KIRREL2: variants seen among roughly 807,000 people sequenced by gnomAD.
KIRREL2 encodes kin of IRRE-like protein 2.
In KIRREL2, 56 loss-of-function variants were observed where a neutral mutation model predicts 73.4. The observed-to-expected ratio is 0.76, with a 90% CI of 0.62 to 0.95. The LOEUF (loss-of-function observed/expected upper bound fraction) is 0.95. KIRREL2 is among the 40% of genes least tolerant of loss of function. The pLI, the probability that KIRREL2 is intolerant of heterozygous loss-of-function variation, is 0.00. For missense variants in KIRREL2, 896 were observed against 935.0 expected (o/e 0.96, Z 0.54); for synonymous variants, 407 against 404.0 (o/e 1.01, Z -0.09).
upstream of KIRREL2, among the ~76,000 whole-genome samples, chr19:35,855,406 G>T (rs553175238): frequency 6.6e-6 from 1 of 152,018 alleles, no homozygotes; most frequent in African/African-American, 2.4e-5. Flanking sequence ...AGCCAGGAAG[G>T]GGAAGCGGCG....
In KIRREL2 at chr19:35,863,033, C is replaced by A. The variant is rs1414233423; in HGVS notation, c.1722C>A (p.Asp574Glu). Residue 574 changes from aspartate to glutamate, a missense_variant, in exon 13 of 15, where the codon GAC (aspartate) becomes GAA (glutamate). Coordinates refer to ENST00000360202, the MANE Select transcript of KIRREL2 (RefSeq NM_199180.4). ...PEEEETGSRE[D>E]RGPIVHTDHS... ...AAGAGGAGACAGGCAGCCGCGAGGA[C>A]CGGGTAGGATGCCAGGGTCCCCAGA... 6.4e-7 allele frequency: 1 copy of A among 1,562,310 alleles called. No homozygotes were observed. The highest frequency in any genetic ancestry group is 8.7e-7 in the Non-Finnish European group (1 of 1,147,602).
At chr19:35,852,466 A>T (rs999336839), upstream of KIRREL2, among the ~76,000 whole-genome samples, 2 of 152,168 alleles carry the variant, frequency 1.3e-5, no homozygotes, top group Non-Finnish European at 2.9e-5. Context: ...GCACTGGCAG[A>T]GTCAGCCCTG....
Position 35,857,051 on chromosome 19 carries a change from C to T in KIRREL2, c.-69C>T. The T allele has an allele frequency of 6.6e-7, 1 of 1,509,246 alleles. No homozygotes were observed. Among genetic ancestry groups the T allele is most frequent in the Non-Finnish European group, 9.2e-7 (1 of 1,085,080 alleles). The allele number at this position is 1,509,246 out of a possible 1,614,324, so 93.5% of individuals were successfully genotyped here. A position where few individuals can be genotyped will look rare whatever the true frequency, so the allele number is the denominator to read the frequency against. On this transcript the variant is annotated 5_prime_UTR_variant, in exon 1 of 15. Coordinates refer to ENST00000360202, the MANE Select transcript of KIRREL2 (RefSeq NM_199180.4). ...GGCTCCGGGCCAGGGTGACAGGAGGCGTGCTTGAGAGGAAGAAGTTGACGG... is the reference window on the plus strand; with the variant it reads ...GGCTCCGGGCCAGGGTGACAGGAGGTGTGCTTGAGAGGAAGAAGTTGACGG...
rs1279746076 is a variant in KIRREL2 at position 35,860,987 on chromosome 19, G to T, written c.1007G>T (p.Arg336Leu). The T allele has an allele frequency of 1.2e-6, 2 of 1,613,008 alleles. No homozygotes were observed. The highest frequency in any genetic ancestry group is 1.7e-6 in the Non-Finnish European group (2 of 1,179,740). Residue 336 changes from arginine to leucine, a missense_variant, in exon 8 of 15, where the codon CGC becomes CTC. By Grantham distance (102) the Arg-to-Leu change is moderately radical (BLOSUM62 -2). Transcript: ENST00000360202. ...GACGCTTCCTTCAGCTGCGCCTGGC[G>T]CGGGAACCCGCTTCCACGGGTAACC... Reference protein sequence around the residue: ...GEDASFSCAWRGNPLPRVTWT... With the variant: ...GEDASFSCAWLGNPLPRVTWT...
chr19:35,858,703 G>A lies in KIRREL2; in HGVS notation c.362-1G>A. 1.2e-6 allele frequency: 2 copies of A among 1,613,836 alleles called. No individual in the cohort carries two copies. The highest frequency in any genetic ancestry group is 8.5e-7 in the Non-Finnish European group (1 of 1,179,926). ...TCTCTGACCCCAAATCCACCTTGCAGTCCCCCCAGAAGCCCCCCAGGTGCT... is the reference window on the plus strand; with the variant it reads ...TCTCTGACCCCAAATCCACCTTGCAATCCCCCCAGAAGCCCCCCAGGTGCT... On this transcript the variant is annotated splice_acceptor_variant, in intron 3 of 14. Coordinates refer to ENST00000360202, the MANE Select transcript of KIRREL2 (RefSeq NM_199180.4). LOFTEE classifies it high-confidence loss of function.
rs1599875083 is a variant in KIRREL2, at chr19:35,866,072, G to A, written c.1792-85G>A. The A allele has an allele frequency of 4.6e-6, 6 of 1,315,254 alleles. No homozygotes were observed. In the East Asian group the frequency reaches 7.0e-5, roughly 15 times the overall value. 81.5% of individuals were successfully genotyped at this position (1,315,254 alleles called of 1,614,324 possible). On this transcript the variant is annotated intron_variant, in intron 14 of 14. Transcript: ENST00000360202. ...CTCTTTTTGTCTCTCTCAAGGTCTG[G>A]TCTATTTCAGTGTGTCTCTCCATCA...
In KIRREL2 at chr19:35,866,716, C is replaced by T. The variant is rs939728414; in HGVS notation, c.*224C>T. On this transcript the variant is annotated 3_prime_UTR_variant, in exon 15 of 15. Coordinates refer to ENST00000360202, the MANE Select transcript of KIRREL2 (RefSeq NM_199180.4). Reference sequence around the variant, plus strand: ...CCACCCAATATGCCCACCTATTCCCCGGTGTAAAAGAGATTCAAGATGGCA... The same window carrying T: ...CCACCCAATATGCCCACCTATTCCCTGGTGTAAAAGAGATTCAAGATGGCA... The T allele has an allele frequency of 3.4e-5, 21 of 611,526 alleles. No homozygotes were observed. Among genetic ancestry groups the T allele is most frequent in the Middle Eastern group, 4.2e-4 (1 of 2,402 alleles). The allele number at this position is 611,526 out of a possible 1,614,324, so 37.9% of individuals were successfully genotyped here.
In KIRREL2 at chr19:35,859,117, A is replaced by G. The variant is rs1037728448; in HGVS notation, c.522+253A>G. Among the ~76,000 whole-genome samples, 8 of 152,216 alleles carry G rather than the reference A, an allele frequency of 5.3e-5. No homozygotes were observed. The South Asian group carries it at 6.2e-4, about 12-fold the overall frequency. On this transcript the variant is annotated intron_variant, in intron 4 of 14. Coordinates refer to ENST00000360202, the MANE Select transcript of KIRREL2 (RefSeq NM_199180.4). Reference sequence around the variant, plus strand: ...TCTGTGCCTCAGTTGCCTTATCTATACAATCAGGATAATAGTAGCATGCAT... The same window carrying G: ...TCTGTGCCTCAGTTGCCTTATCTATGCAATCAGGATAATAGTAGCATGCAT...
Position 35,857,400 on chromosome 19 carries a change from GGAA to G in KIRREL2, c.119_121del (p.Glu40del), listed in dbSNP as rs754581425. On this transcript the variant is annotated inframe_deletion, in exon 2 of 15. Transcript: ENST00000360202. ...AGGACCTGGTGGTGCTGCTGGGGGA[GGAA>G]GCCCGGCTGCCGTGTGCTCTGGGCG... The G allele has an allele frequency of 1.7e-5, 28 of 1,612,948 alleles. No homozygotes were observed. Among genetic ancestry groups the G allele is most frequent in the Non-Finnish European group, 2.4e-5 (28 of 1,180,034 alleles).
Position 35,862,940 on chromosome 19 carries a change from C to G in KIRREL2, c.1629C>G (p.Phe543Leu). The G allele has an allele frequency of 6.4e-7, 1 of 1,570,214 alleles. No homozygotes were observed. ...CWRHSKASAS[F>L]SEQKNLMRIP... ...GCTGTTTGTCAGCCTCAGCCTCTTT[C>G]TCCGAGCAAAAGAACCTGATGCGAA... The change falls in exon 13 of 15, where the codon TTC becomes TTG. Residue 543 changes from phenylalanine (F) to leucine (L), a missense_variant. Coordinates refer to ENST00000360202, the MANE Select transcript of KIRREL2 (RefSeq NM_199180.4).
At position 35,861,797 on chromosome 19, in the gene KIRREL2, G is replaced by A; in HGVS notation, c.1291-8G>A. 6.3e-7 allele frequency: 1 copy of A among 1,586,976 alleles called. No individual in the cohort carries two copies. Among genetic ancestry groups the A allele is most frequent in the Non-Finnish European group, 8.6e-7 (1 of 1,166,234 alleles). ...CTCCTCCGTGTCCTCCCTCTTTTGT[G>A]CCCCCAGGTCTGGTCTTGGGATGAG... On this transcript the variant is annotated splice_region_variant and splice_polypyrimidine_tract_variant and intron_variant, in intron 10 of 14. Transcript: ENST00000360202.
chr19:35,852,622 G>A (rs561477578), upstream of KIRREL2, among the ~76,000 whole-genome samples: 7 of 152,150 alleles, frequency 4.6e-5, no homozygotes, highest in South Asian at 4.2e-4. Flanking sequence ...TGCCAGGCGC[G>A]TTCCTCGGTG....
Position 35,864,707 on chromosome 19 carries a change from G to C in KIRREL2, c.1785G>C (p.Glu595Asp). ...DLVLEEEGTL[E>D]TKDPTNGYYK... Reference sequence around the variant, plus strand: ...TTCTGGAGGAGGAAGGGACTCTGGAGACCAAGGTGAGTGTTGAGAGGGGTG... The same window carrying C: ...TTCTGGAGGAGGAAGGGACTCTGGACACCAAGGTGAGTGTTGAGAGGGGTG... Residue 595 changes from glutamate (E) to aspartate (D), a missense_variant, in exon 14 of 15, where the codon GAG becomes GAC. Glu to Asp is a conservative substitution (Grantham distance 45). Coordinates refer to ENST00000360202, the MANE Select transcript of KIRREL2 (RefSeq NM_199180.4). 1.2e-6 allele frequency: 2 copies of C among 1,611,596 alleles called. No individual in the cohort carries two copies. The highest frequency in any genetic ancestry group is 1.7e-6 in the Non-Finnish European group (2 of 1,177,772).
chr19:35,858,887 A>G lies in KIRREL2; in HGVS notation c.522+23A>G, dbSNP rs1973548089. 1.9e-6 allele frequency: 3 copies of G among 1,613,156 alleles called. No individual in the cohort carries two copies. The East Asian group carries it at 6.7e-5, about 36-fold the overall frequency. The stretch of plus-strand genomic sequence containing the variant: ...CAGGTCAGGTCCAAATTCCTGTGCT[A>G]GCCTTTGCCCATTGAGGGAAACTTG... On this transcript the variant is annotated intron_variant, in intron 4 of 14. Transcript: ENST00000360202.
chr19:35,863,682 C>T (rs956109108), intron 13 of KIRREL2, among the ~76,000 whole-genome samples: 1 of 152,040 alleles, frequency 6.6e-6, no homozygotes, highest in Non-Finnish European at 1.5e-5. Context: ...AAACTCCTGA[C>T]CTCAGGTGAT....
At chr19:35,860,870 T>C (rs373096618) in intron 7 of KIRREL2, 39 bp from the exon 8 acceptor site, 17 of 1,611,942 alleles carry the variant, frequency 1.1e-5, no homozygotes, top group Middle Eastern at 1.7e-4. Context: ...GTGGCTGCAT[T>C]CCGCCCCGGC....
intron 13 of KIRREL2, 142 bp downstream of exon 13, chr19:35,863,178 A>T: frequency 1.7e-6 from 1 of 597,454 alleles, no homozygotes. Flanking sequence ...GGAGGTGGAG[A>T]CACAAGGATC....
At chr19:35,853,778 T>C (rs1197944127), upstream of KIRREL2, among the ~76,000 whole-genome samples, 1 of 152,006 alleles carries the variant, frequency 6.6e-6, no homozygotes, top group Non-Finnish European at 1.5e-5. Context: ...GCTCAAGTGT[T>C]CTTTCTGCCT....
chr19:35,858,369 A>C, intron 2 of KIRREL2, 39 bp from the exon 3 acceptor site: 1 of 1,596,186 alleles, frequency 6.3e-7, no homozygotes, highest in Non-Finnish European at 8.6e-7. Flanking sequence ...CCAGGATTTC[A>C]GAACCATGGT....
Sources: allele counts gnomAD v4.1 joint callset (sites outside exome capture counted in the v4.1 genomes callset), GRCh38; gene constraint gnomAD v4.1.1; transcripts MANE v1.5; gene names NCBI Gene and HGNC (gene_info 2026-07-23, HGNC 2026-07-21).